TTC22: variants seen among roughly 807,000 people sequenced by gnomAD.
TTC22 encodes tetratricopeptide repeat domain 22.
TTC22 carries 42 observed loss-of-function variants against 48.2 expected under a neutral mutation model. The observed-to-expected ratio is 0.87, with a 90% CI of 0.68 to 1.13. The LOEUF (loss-of-function observed/expected upper bound fraction) is 1.13. TTC22 is among the 50% of genes most tolerant of loss of function. The probability of loss-of-function intolerance (pLI) is 0.00; values close to 1 mark genes in which losing one functional copy is unlikely to be tolerated. For synonymous variants in TTC22, 345 were observed against 365.5 expected (o/e 0.94, Z 0.64); for missense variants, 784 against 807.0 (o/e 0.97, Z 0.34).
intron 5 of TTC22, among the ~76,000 whole-genome samples, chr1:54,783,262 C>T (rs567477227): frequency 6.6e-6 from 1 of 152,204 alleles, no homozygotes; most frequent in South Asian, 2.1e-4. Context: ...GAATCTCTGG[C>T]TTTCGGGTCA....
At position 54,794,225 on chromosome 1, in the gene TTC22, GCT is replaced by G. The variant is rs1315539055; in HGVS notation, c.568-6130_568-6129del. 4.6e-5 allele frequency among the ~76,000 whole-genome samples: 7 copies of G among 152,252 alleles called. No homozygotes were observed. In the East Asian group the frequency reaches 1.4e-3, roughly 29 times the overall value. On this transcript the variant is annotated intron_variant, in intron 1 of 6. Transcript: ENST00000371276. ...TCCTCAGGGAAGGCTGAAGATCGAA[GCT>G]CCTGTGGGCTGGGTGAGGAAGCAAA...
chr1:54,785,426 C>T (rs544603972), intron 5 of TTC22: 20 of 330,830 alleles, frequency 6.0e-5, no homozygotes, highest in Admixed American at 2.4e-4. Flanking sequence ...TGATTCCACC[C>T]GTGCCAATCC....
In TTC22 at chr1:54,800,690, G is replaced by A. The variant is rs774523415; in HGVS notation, c.474C>T (p.Gly158=). 1 of 1,549,172 alleles carries A rather than the reference G, an allele frequency of 6.5e-7. No homozygotes were observed. The highest frequency in any genetic ancestry group is 8.7e-7 in the Non-Finnish European group (1 of 1,155,970). The stretch of plus-strand genomic sequence containing the variant: ...CTGGGCTGGCGCAGCCGACGTCGAA[G>A]CCATGCGCGTAGCCCTGCTCGGCCA... ...RCLAEQGYAH[G]FDVGCASPEE... The change falls in exon 1 of 7, where the codon GGC becomes GGT. Residue 158 remains glycine (G), a synonymous_variant. Transcript: ENST00000371276.
At position 54,801,124 on chromosome 1, in the gene TTC22, G is replaced by C. The variant is rs671108; in HGVS notation, c.40C>G (p.Leu14Val). 0.2 allele frequency: 318,876 copies of C among 1,612,314 alleles called. 33,517 individuals carry two copies. Among genetic ancestry groups the C allele is most frequent in the East Asian group, 0.27 (12,145 of 44,806 alleles). ...GGGAGGTAGTCCAGGTCGTCGATGAGGGCGTCTAGATCGTCGGCCACAGCC... is the reference window on the plus strand; with the variant it reads ...GGGAGGTAGTCCAGGTCGTCGATGACGGCGTCTAGATCGTCGGCCACAGCC... ...LEAVADDLDALIDDLDYLPGH... is the reference protein window; with the variant it reads ...LEAVADDLDAVIDDLDYLPGH... Residue 14 changes from leucine (L) to valine (V), a missense_variant, in exon 1 of 7, where the codon CTC (leucine) becomes GTC (valine). By Grantham distance (32) the Leu-to-Val change is conservative. Transcript: ENST00000371276.
chr1:54,784,958 G>T, intron 5 of TTC22: 1 of 272,908 alleles, frequency 3.7e-6, no homozygotes, highest in Non-Finnish European at 7.1e-6. Context: ...GAGACAGTGA[G>T]ATAATTCAAA....
chr1:54,779,956 G>A lies in TTC22; in HGVS notation c.*1287C>T, dbSNP rs1646249733. ...ATGCAGGGGTGCTGGCCTGTCCCTG[G>A]TAATGAGCGAGGATATGAGCAAAGC... is the stretch of plus-strand genomic sequence containing the variant. On this transcript the variant is annotated 3_prime_UTR_variant, in exon 7 of 7. Coordinates refer to ENST00000371276, the MANE Select transcript of TTC22 (RefSeq NM_001114108.2). 1 of 152,150 alleles carries A rather than the reference G, an allele frequency of 6.6e-6. No homozygotes were observed. Among genetic ancestry groups the A allele is most frequent in the Non-Finnish European group, 1.5e-5 (1 of 68,070 alleles). The allele number at this position is 152,150 out of a possible 1,614,324, so 9.4% of individuals were successfully genotyped here. A position where few individuals can be genotyped will look rare whatever the true frequency, so the allele number is the denominator to read the frequency against.
At position 54,800,697 on chromosome 1, in the gene TTC22, G is replaced by T. The variant is rs1646428178; in HGVS notation, c.467C>A (p.Ala156Glu). The stretch of plus-strand genomic sequence containing the variant: ...GGCGCAGCCGACGTCGAAGCCATGC[G>T]CGTAGCCCTGCTCGGCCAGGCAGCG... ...AARCLAEQGY[A>E]HGFDVGCASP... The change falls in exon 1 of 7, where the codon GCG becomes GAG. Residue 156 changes from alanine to glutamate, a missense_variant. By Grantham distance (107) the Ala-to-Glu change is moderately radical (BLOSUM62 -1). Coordinates refer to ENST00000371276, the MANE Select transcript of TTC22 (RefSeq NM_001114108.2). 3 of 1,549,420 alleles carry T rather than the reference G, an allele frequency of 1.9e-6. No homozygotes were observed. The South Asian group carries it at 3.5e-5, about 18-fold the overall frequency.
chr1:54,782,231 T>C, intron 6 of TTC22, 94 bp downstream of exon 6: 10 of 1,327,200 alleles, frequency 7.5e-6, no homozygotes, highest in Non-Finnish European at 1.0e-5. Context: ...AGTGAAACTT[T>C]TTCCTCTGCA....
At position 54,801,188 on chromosome 1, in the gene TTC22, C is replaced by T; in HGVS notation, c.-25G>A. On this transcript the variant is annotated 5_prime_UTR_variant, in exon 1 of 7. Transcript: ENST00000371276. ...TGACTGCTCCCTCTGCTCCCCTGGC[C>T]TCACCCTTGTCCCTGAGGCTGTGGA... The T allele has an allele frequency of 6.2e-7, 1 of 1,606,370 alleles. No individual in the cohort carries two copies. The highest frequency in any genetic ancestry group is 1.1e-5 in the South Asian group (1 of 90,754).
rs532125982 is a variant in TTC22 at position 54,779,795 on chromosome 1, T to C, written c.*1448A>G. 1 of 152,230 alleles carries C rather than the reference T, an allele frequency of 6.6e-6. No homozygotes were observed. Among genetic ancestry groups the C allele is most frequent in the Non-Finnish European group, 1.5e-5 (1 of 68,046 alleles). The allele number at this position is 152,230 out of a possible 1,614,324, so 9.4% of individuals were successfully genotyped here. On this transcript the variant is annotated 3_prime_UTR_variant, in exon 7 of 7. Transcript: ENST00000371276. ...GGTACAGTGTGGGGAAAACAGTAAG[T>C]GTGGCTTTGGGCAAGCCACTTCCCT...
intron 3 of TTC22, 39 bp downstream of exon 3, chr1:54,787,672 G>T (rs1330616727): frequency 6.7e-7 from 1 of 1,498,498 alleles, no homozygotes; most frequent in Admixed American, 1.7e-5. Flanking sequence ...GTTGGCAGGG[G>T]GCAGAGGCTG....
chr1:54,788,107 C>T lies in TTC22; in HGVS notation c.568-10G>A. On this transcript the variant is annotated splice_polypyrimidine_tract_variant and intron_variant, in intron 1 of 6. Transcript: ENST00000371276. The stretch of plus-strand genomic sequence containing the variant: ...TCTCCTCCATCGGGATCTAGGGAAA[C>T]AGAGAACAGCCCACACTGCCATTAC... 1 of 1,613,786 alleles carries T rather than the reference C, an allele frequency of 6.2e-7. No homozygotes were observed. Among genetic ancestry groups the T allele is most frequent in the Non-Finnish European group, 8.5e-7 (1 of 1,179,702 alleles).
At chr1:54,782,799 G>A (rs771693109) in intron 5 of TTC22, among the ~76,000 whole-genome samples, 8 of 152,318 alleles carry the variant, frequency 5.3e-5, no homozygotes, top group South Asian at 4.1e-4. Flanking sequence ...AGGAGGTACC[G>A]TGGTAACAAG....
At position 54,779,861 on chromosome 1, in the gene TTC22, T is replaced by C. The variant is rs990864494; in HGVS notation, c.*1382A>G. On this transcript the variant is annotated 3_prime_UTR_variant, in exon 7 of 7. Coordinates refer to ENST00000371276, the MANE Select transcript of TTC22 (RefSeq NM_001114108.2). ...TTTCCCATCTGCACAATGAGGGGGT[T>C]GGAGTGTGTGGTCTCTAAGGCACTG... 1.3e-5 allele frequency: 2 copies of C among 152,196 alleles called. No individual in the cohort carries two copies. Among genetic ancestry groups the C allele is most frequent in the Admixed American group, 1.3e-4 (2 of 15,276 alleles). The allele number at this position is 152,196 out of a possible 1,614,324, so 9.4% of individuals were successfully genotyped here. A position where few individuals can be genotyped will look rare whatever the true frequency, so the allele number is the denominator to read the frequency against.
chr1:54,786,566 C>A, intron 4 of TTC22: 1 of 240,138 alleles, frequency 4.2e-6, no homozygotes, highest in African/African-American at 2.2e-5. Flanking sequence ...TGACTGCTTC[C>A]TGTTGTAAGT....
chr1:54,793,129 G>A (rs188493447), intron 1 of TTC22: 2 of 152,172 alleles, frequency 1.3e-5, no homozygotes, highest in Non-Finnish European at 2.9e-5. Context: ...CCGTGGGCTG[G>A]GGATTCCGTG....
Position 54,787,237 on chromosome 1 carries a change from G to C in TTC22, c.740-162C>G, listed in dbSNP as rs545862502. On this transcript the variant is annotated intron_variant, in intron 3 of 6. Transcript: ENST00000371276. Reference sequence around the variant, plus strand: ...ACAGAGAGAAGCAAAGGTGGAGAGAGGGGCCATGTGAGGGGTTAGTGAACC... The same window carrying C: ...ACAGAGAGAAGCAAAGGTGGAGAGACGGGCCATGTGAGGGGTTAGTGAACC... The C allele has an allele frequency of 3.1e-5, 17 of 546,722 alleles. 1 individual carries two copies. In the South Asian group the frequency reaches 3.8e-4, roughly 12 times the overall value. 33.9% of individuals were successfully genotyped at this position (546,722 alleles called of 1,614,324 possible). A position where few individuals can be genotyped will look rare whatever the true frequency, so the allele number is the denominator to read the frequency against.
chr1:54,781,296 G>C lies in TTC22; in HGVS notation c.1657C>G (p.Arg553Gly). The C allele has an allele frequency of 6.8e-7, 1 of 1,475,414 alleles. No individual in the cohort carries two copies. The highest frequency in any genetic ancestry group is 8.9e-7 in the Non-Finnish European group (1 of 1,121,524). 91.4% of individuals were successfully genotyped at this position (1,475,414 alleles called of 1,614,324 possible). Residue 553 changes from arginine (R) to glycine (G), a missense_variant, in exon 7 of 7, where the codon CGC (arginine) becomes GGC (glycine). Arg to Gly is a moderately radical substitution (Grantham distance 125). Coordinates refer to ENST00000371276, the MANE Select transcript of TTC22 (RefSeq NM_001114108.2). ...GGCGCGCTGGCGCCCTCGCCCTCGC[G>C]CTCCATGGTCTCGAAGAGCAGCCGC... ...LVRLLFETME[R>G]EGEGASAPRD...
At position 54,781,765 on chromosome 1, in the gene TTC22, C is replaced by T; in HGVS notation, c.1188G>A (p.Met396Ile). ...GCAGCTCCTGCACCGCGTCCACGCC[C>T]ATATAGTAGTAGACCTGGGGTCGGG... ...YLDIGQVYYYMGVDAVQELLA... is the reference protein window; with the variant it reads ...YLDIGQVYYYIGVDAVQELLA... The change falls in exon 7 of 7, where the codon ATG becomes ATA. Residue 396 changes from methionine (M) to isoleucine (I), a missense_variant. Met to Ile is a conservative substitution (Grantham distance 10, BLOSUM62 1). Coordinates refer to ENST00000371276, the MANE Select transcript of TTC22 (RefSeq NM_001114108.2). 6.8e-7 allele frequency: 1 copy of T among 1,461,842 alleles called. No individual in the cohort carries two copies. Among genetic ancestry groups the T allele is most frequent in the Non-Finnish European group, 9.0e-7 (1 of 1,109,454 alleles). 90.6% of individuals were successfully genotyped at this position (1,461,842 alleles called of 1,614,324 possible).
Sources: allele counts gnomAD v4.1 joint callset (sites outside exome capture counted in the v4.1 genomes callset), GRCh38; gene constraint gnomAD v4.1.1; transcripts MANE v1.5; gene names NCBI Gene and HGNC (gene_info 2026-07-23, HGNC 2026-07-21).